AKAP19: variants seen among roughly 807,000 people sequenced by gnomAD.
AKAP19 encodes the protein small A-kinase anchoring protein.
chr2:189,981,499 A>G, the AKAP19 span, among the ~76,000 whole-genome samples: 3 of 152,096 alleles, frequency 2.0e-5, no homozygotes, highest in East Asian at 5.8e-4. Context: ...TAGGCTGTTA[A>G]TGTTCAAGGT....
chr2:190,172,359 G>A, the AKAP19 span, among the ~76,000 whole-genome samples: 3 of 151,932 alleles, frequency 2.0e-5, no homozygotes, highest in East Asian at 5.8e-4. Flanking sequence ...TCTGTGGCTG[G>A]CTCTATGTTG....
chr2:190,148,789 G>A, the AKAP19 span, among the ~76,000 whole-genome samples: 1 of 152,088 alleles, frequency 6.6e-6, no homozygotes, highest in African/African-American at 2.4e-5. Context: ...TAGTTTATGT[G>A]TGTAAAGGTG....
the AKAP19 span, among the ~76,000 whole-genome samples, chr2:190,036,384 C>A: frequency 2.6e-5 from 4 of 151,914 alleles, no homozygotes; most frequent in African/African-American, 9.7e-5. Context: ...CTGTATCTTA[C>A]AAGACTGCAG....
the AKAP19 span, among the ~76,000 whole-genome samples, chr2:189,913,593 T>C: frequency 6.6e-6 from 1 of 152,110 alleles, no homozygotes; most frequent in African/African-American, 2.4e-5. Flanking sequence ...CTCTTGGTTC[T>C]CTTGGATTAA....
chr2:189,980,071 C>T, the AKAP19 span, among the ~76,000 whole-genome samples: 1 of 152,060 alleles, frequency 6.6e-6, no homozygotes, highest in Non-Finnish European at 1.5e-5. Context: ...GGCACCTACC[C>T]AAAGAAAAGG....
At chr2:189,993,163 T>C in the AKAP19 span, among the ~76,000 whole-genome samples, 2 of 152,234 alleles carry the variant, frequency 1.3e-5, no homozygotes, top group Non-Finnish European at 2.9e-5. Context: ...TTTTCATAGA[T>C]AGCTTTTATT....
At chr2:190,058,811 A>G in the AKAP19 span, among the ~76,000 whole-genome samples, 1 of 151,984 alleles carries the variant, frequency 6.6e-6, no homozygotes, top group Non-Finnish European at 1.5e-5. Context: ...AAAGACATAC[A>G]GAGTAGTATA....
At chr2:190,007,749 T>G in the AKAP19 span, among the ~76,000 whole-genome samples, 2 of 152,110 alleles carry the variant, frequency 1.3e-5, no homozygotes, top group Non-Finnish European at 2.9e-5. Context: ...TTGCCTGAGC[T>G]CAGGAGTTCG....
At chr2:190,005,330 C>G in the AKAP19 span, among the ~76,000 whole-genome samples, 2 of 152,090 alleles carry the variant, frequency 1.3e-5, no homozygotes, top group Non-Finnish European at 2.9e-5. Flanking sequence ...GCTGATTGGT[C>G]CATTTTACAG....
the AKAP19 span, among the ~76,000 whole-genome samples, chr2:189,946,821 A>T: frequency 1.3e-5 from 2 of 152,188 alleles, no homozygotes; most frequent in East Asian, 1.9e-4. Flanking sequence ...GCTTTCCCTG[A>T]TATATAGTTA....
chr2:190,021,550 T>G, the AKAP19 span, among the ~76,000 whole-genome samples: 3 of 152,216 alleles, frequency 2.0e-5, no homozygotes, highest in Admixed American at 1.3e-4. Flanking sequence ...GGAGTGCAGT[T>G]AGCTGATAGC....
the AKAP19 span, among the ~76,000 whole-genome samples, chr2:190,014,316 G>C: frequency 1.3e-5 from 2 of 152,166 alleles, no homozygotes; most frequent in East Asian, 3.9e-4. Flanking sequence ...AATAATGGCA[G>C]AAGGGGAAGA....
At chr2:189,950,334 G>GTTTT in the AKAP19 span, among the ~76,000 whole-genome samples, 1 of 137,548 alleles carries the variant, frequency 7.3e-6, no homozygotes. Flanking sequence ...AGCCTTTTTT[G>GTTTT]TTTTTTTTTT....
At chr2:190,009,613 T>C in the AKAP19 span, among the ~76,000 whole-genome samples, 1 of 152,186 alleles carries the variant, frequency 6.6e-6, no homozygotes, top group East Asian at 1.9e-4. Context: ...GAGATGTCTA[T>C]TAAAATCCAA....
At chr2:190,156,426 G>A in the AKAP19 span, among the ~76,000 whole-genome samples, 3 of 152,200 alleles carry the variant, frequency 2.0e-5, no homozygotes, top group African/African-American at 7.2e-5. Flanking sequence ...TTCCAAATCT[G>A]TGTGACAGAC....
the AKAP19 span, among the ~76,000 whole-genome samples, chr2:189,953,099 A>G: frequency 2.1e-5 from 2 of 96,140 alleles, no homozygotes; most frequent in South Asian, 9.1e-4. Context: ...GTTAAATGTG[A>G]TAACATCCCT....
chr2:190,034,516 G>C, the AKAP19 span, among the ~76,000 whole-genome samples: 1 of 112,294 alleles, frequency 8.9e-6, no homozygotes, highest in East Asian at 2.9e-4. Flanking sequence ...AGCGGCACAA[G>C]CCTAGCAGGC....
At chr2:189,887,756 T>C in the AKAP19 span, among the ~76,000 whole-genome samples, 1 of 152,246 alleles carries the variant, frequency 6.6e-6, no homozygotes, top group Non-Finnish European at 1.5e-5. Context: ...CTTGGCCACA[T>C]AAATGTCTTC....
chr2:190,003,815 C>T, the AKAP19 span, among the ~76,000 whole-genome samples: 2 of 151,824 alleles, frequency 1.3e-5, no homozygotes, highest in Admixed American at 1.3e-4. Context: ...TGCAGTGAGC[C>T]AAGATCATGC....
Sources: allele counts gnomAD v4.1 joint callset (sites outside exome capture counted in the v4.1 genomes callset), GRCh38; gene constraint gnomAD v4.1.1; transcripts MANE v1.5; gene names NCBI Gene and HGNC (gene_info 2026-07-23, HGNC 2026-07-21).